Variants in SMARCD3 observed in about 807,000 individuals in gnomAD.
SMARCD3 encodes SWI/SNF-related matrix-associated actin-dependent regulator of chromatin subfamily D member 3.
In SMARCD3, 14 loss-of-function variants were observed where a neutral mutation model predicts 58.0. That is an observed-to-expected ratio of 0.24 (90% CI 0.16 to 0.38). The LOEUF is 0.38. Ranked by LOEUF, SMARCD3 falls within the 10% of genes least tolerant of loss-of-function variation. SMARCD3 has a pLI of 1.00. For synonymous variants in SMARCD3, 253 were observed against 253.8 expected (o/e 1.00, Z 0.03); for missense variants, 408 against 636.9 (o/e 0.64, Z 3.87).
At chr7:151,268,136 G>T (rs1795054515) in intron 2 of SMARCD3, among the ~76,000 whole-genome samples, 1 of 152,222 alleles carries the variant, frequency 6.6e-6, no homozygotes, top group Non-Finnish European at 1.5e-5. Context: ...CTCAAGGTGA[G>T]TGTTACGAAC....
At chr7:151,267,464 C>T (rs62492417) in intron 2 of SMARCD3, among the ~76,000 whole-genome samples, 102 of 152,166 alleles carry the variant, frequency 6.7e-4, no homozygotes, top group Non-Finnish European at 1.2e-3. Flanking sequence ...ATCGAATGTA[C>T]TGCGAAGTCC....
In SMARCD3 at chr7:151,242,252, A is replaced by G. The variant is rs771159511; in HGVS notation, c.580-20T>C. On this transcript the variant is annotated intron_variant, in intron 5 of 12. Transcript: ENST00000262188. The surrounding 1 kb of genome is among the most constrained non-coding windows in gnomAD (Gnocchi z 4.7). ...GCTGGGCTGTGGGAGAGCAACAGGG[A>G]CCATGGGGGCAGAACAGGGACGAGG... 1.1e-5 allele frequency: 17 copies of G among 1,596,190 alleles called. No homozygotes were observed. Among genetic ancestry groups the G allele is most frequent in the Admixed American group, 1.7e-5 (1 of 59,970 alleles).
intron 2 of SMARCD3, among the ~76,000 whole-genome samples, chr7:151,262,976 A>G (rs1171952432): frequency 2.6e-5 from 4 of 152,228 alleles, no homozygotes; most frequent in Admixed American, 6.5e-5. Flanking sequence ...CAGGGAAGCC[A>G]GCACACACAA....
At chr7:151,251,522 G>A (rs1367974763), upstream of SMARCD3, among the ~76,000 whole-genome samples, 1 of 152,178 alleles carries the variant, frequency 6.6e-6, no homozygotes, top group East Asian at 1.9e-4. Context: ...GCCAGTGTGG[G>A]GGCCCGGGCC....
intron 2 of SMARCD3, among the ~76,000 whole-genome samples, chr7:151,259,890 G>A (rs912041627): frequency 2.0e-5 from 3 of 151,684 alleles, no homozygotes; most frequent in South Asian, 2.1e-4. Flanking sequence ...GATTACAGGC[G>A]TGAGCCACCA....
Position 151,239,319 on chromosome 7 carries a change from G to A in SMARCD3, c.1398+77C>T. ...AGCTTTACTGTGGGGAGCTGCGAGG[G>A]CTGCCCACAAGCTGAACAGGGAGGT... is the stretch of plus-strand genomic sequence containing the variant. On this transcript the variant is annotated intron_variant, in intron 12 of 12. Coordinates refer to ENST00000262188, the MANE Select transcript of SMARCD3 (RefSeq NM_001003801.2). This position sits in a 1 kb window ranked among gnomAD's most constrained non-coding sequence, Gnocchi z 7.0. 4 of 1,372,360 alleles carry A rather than the reference G, an allele frequency of 2.9e-6. No individual in the cohort carries two copies. The highest frequency in any genetic ancestry group is 1.2e-5 in the South Asian group (1 of 86,200). The allele number at this position is 1,372,360 out of a possible 1,614,324, so 85.0% of individuals were successfully genotyped here.
chr7:151,245,463 C>T lies in SMARCD3; in HGVS notation c.287G>A (p.Arg96His). Residue 96 changes from arginine to histidine, a missense_variant, in exon 2 of 13, where the codon CGC becomes CAC. Transcript: ENST00000262188. The surrounding 1 kb of genome is among the most constrained non-coding windows in gnomAD (Gnocchi z 6.2). ...QPVPTAPARS[R>H]SAKRRKMADK... ...CCTCGCCGGGCCTCCCACTCACCTG[C>T]GGCTCCGCGCGGGGGCGGTGGGCAC... The T allele has an allele frequency of 1.6e-6, 2 of 1,212,636 alleles. No homozygotes were observed. The highest frequency in any genetic ancestry group is 2.1e-6 in the Non-Finnish European group (2 of 972,020). The allele number at this position is 1,212,636 out of a possible 1,614,324, so 75.1% of individuals were successfully genotyped here.
chr7:151,262,722 C>G (rs1419410316), intron 2 of SMARCD3, among the ~76,000 whole-genome samples: 1 of 152,202 alleles, frequency 6.6e-6, no homozygotes, highest in Non-Finnish European at 1.5e-5. Context: ...GCTACCCCAA[C>G]AGGTGTCTCA....
chr7:151,245,397 G>A lies in SMARCD3; in HGVS notation c.290+63C>T, dbSNP rs936980468. 19 of 601,684 alleles carry A rather than the reference G, an allele frequency of 3.2e-5. No homozygotes were observed. The highest frequency in any genetic ancestry group is 1.0e-3 in the Middle Eastern group (2 of 1,998). The allele number at this position is 601,684 out of a possible 1,614,324, so 37.3% of individuals were successfully genotyped here. A position where few individuals can be genotyped will look rare whatever the true frequency, so the allele number is the denominator to read the frequency against. On this transcript the variant is annotated intron_variant, in intron 2 of 12. Coordinates refer to ENST00000262188, the MANE Select transcript of SMARCD3 (RefSeq NM_001003801.2). This position sits in a 1 kb window ranked among gnomAD's most constrained non-coding sequence, Gnocchi z 6.2. Reference sequence around the variant, plus strand: ...CCAATCCCCGCTACTCGCTTACCTGGTCCCTGCGGGTCCCCCAGGGCCCGC... The same window carrying A: ...CCAATCCCCGCTACTCGCTTACCTGATCCCTGCGGGTCCCCCAGGGCCCGC...
rs772823227 is a variant in SMARCD3, at chr7:151,243,753, G to T, written c.291-52C>A. On this transcript the variant is annotated intron_variant, in intron 2 of 12. Transcript: ENST00000262188. The surrounding 1 kb of genome is among the most constrained non-coding windows in gnomAD (Gnocchi z 4.4). ...GGTTACCATGGCGACAGATCTGGGC[G>T]TAACGAGGCCACCTGCTAGATTATC... 13 of 1,283,300 alleles carry T rather than the reference G, an allele frequency of 1.0e-5. No homozygotes were observed. The highest frequency in any genetic ancestry group is 1.5e-5 in the African/African-American group (1 of 68,520). The allele number at this position is 1,283,300 out of a possible 1,614,324, so 79.5% of individuals were successfully genotyped here.
Position 151,241,453 on chromosome 7 carries a change from G to A in SMARCD3, c.939+39C>T, listed in dbSNP as rs771082458. 31 of 1,583,504 alleles carry A rather than the reference G, an allele frequency of 2.0e-5. No homozygotes were observed. The highest frequency in any genetic ancestry group is 4.5e-5 in the East Asian group (2 of 44,500). On this transcript the variant is annotated intron_variant, in intron 8 of 12. Transcript: ENST00000262188. The surrounding 1 kb of genome is among the most constrained non-coding windows in gnomAD (Gnocchi z 5.3). ...GGTACTTCCCCTGCTGGAGAACTCC[G>A]CCTGCTCCCCAGATCCCAGGGTTCA... is the stretch of plus-strand genomic sequence containing the variant.
chr7:151,272,178 T>TC (rs1304292212), intron 2 of SMARCD3, among the ~76,000 whole-genome samples: 2 of 152,144 alleles, frequency 1.3e-5, no homozygotes, highest in Admixed American at 1.3e-4. Context: ...AGGAGAGACC[T>TC]CCCAGTGGCT....
At chr7:151,257,731 G>T (rs764729628) in intron 2 of SMARCD3, among the ~76,000 whole-genome samples, 1 of 152,046 alleles carries the variant, frequency 6.6e-6, no homozygotes, top group Non-Finnish European at 1.5e-5. Context: ...CTGAGTCCCC[G>T]GGGACCATCC....
intron 2 of SMARCD3, among the ~76,000 whole-genome samples, chr7:151,263,517 C>T (rs932613028): frequency 2.6e-5 from 4 of 152,338 alleles, no homozygotes; most frequent in South Asian, 2.1e-4. Flanking sequence ...CCATCTACAT[C>T]GCCATATCTT....
Position 151,239,983 on chromosome 7 carries a change from G to GGT in SMARCD3, c.1173+127_1173+128dup. 1 of 1,021,476 alleles carries GGT rather than the reference G, an allele frequency of 9.8e-7. No homozygotes were observed. The highest frequency in any genetic ancestry group is 1.4e-6 in the Non-Finnish European group (1 of 712,350). 63.3% of individuals were successfully genotyped at this position (1,021,476 alleles called of 1,614,324 possible). A position where few individuals can be genotyped will look rare whatever the true frequency, so the allele number is the denominator to read the frequency against. On this transcript the variant is annotated intron_variant, in intron 10 of 12. Transcript: ENST00000262188. The surrounding 1 kb of genome is among the most constrained non-coding windows in gnomAD (Gnocchi z 7.0). ...TGTGTGTCCCATTGGCCCAGAGTCT[G>GGT]GTCTCTTTTTTTTTTTTTTTTTTAA...
intron 1 of SMARCD3, chr7:151,275,297 G>A: frequency 1.4e-6 from 1 of 722,750 alleles, no homozygotes; most frequent in Non-Finnish European, 2.5e-6. Context: ...GATTCAAGGA[G>A]GCCTCGGGAA....
chr7:151,265,483 T>G (rs754295897), intron 2 of SMARCD3, among the ~76,000 whole-genome samples: 3 of 152,212 alleles, frequency 2.0e-5, no homozygotes, highest in Non-Finnish European at 4.4e-5. Context: ...TGCGGTCCTT[T>G]GTTGGGGTGG....
chr7:151,243,825 T>A lies in SMARCD3; in HGVS notation c.291-124A>T, dbSNP rs1379538516. On this transcript the variant is annotated intron_variant, in intron 2 of 12. Transcript: ENST00000262188. This position sits in a 1 kb window ranked among gnomAD's most constrained non-coding sequence, Gnocchi z 4.4. ...CTGGGGTTCCCACAGCCCACTTGTC[T>A]GCCCGCCCAAGGGCTGTGACGGTGG... 3.9e-6 allele frequency: 3 copies of A among 773,948 alleles called. No individual in the cohort carries two copies. The highest frequency in any genetic ancestry group is 7.1e-6 in the Non-Finnish European group (3 of 425,394). The allele number at this position is 773,948 out of a possible 1,614,324, so 47.9% of individuals were successfully genotyped here. A position where few individuals can be genotyped will look rare whatever the true frequency, so the allele number is the denominator to read the frequency against.
chr7:151,271,057 C>T (rs982242825), intron 2 of SMARCD3, among the ~76,000 whole-genome samples: 1 of 152,164 alleles, frequency 6.6e-6, no homozygotes, highest in South Asian at 2.1e-4. Context: ...AGGGGCCCTA[C>T]TCCCTTGTCT....
Sources: allele counts gnomAD v4.1 joint callset (sites outside exome capture counted in the v4.1 genomes callset), GRCh38; gene constraint gnomAD v4.1.1; non-coding constraint Gnocchi (gnomAD v3.1); transcripts MANE v1.5; gene names NCBI Gene and HGNC (gene_info 2026-07-23, HGNC 2026-07-21).